The following CTNNA2 variants were observed in gnomAD, a reference collection of about 807,000 sequenced individuals.
CTNNA2 encodes the protein catenin alpha-2.
Under a neutral mutation model 101.0 loss-of-function variants are expected in CTNNA2, and 42 were observed. That is an observed-to-expected ratio of 0.42 (90% CI 0.32 to 0.54). CTNNA2 has a LOEUF of 0.54. Ranked by LOEUF, CTNNA2 falls within the 20% of genes least tolerant of loss-of-function variation. The pLI is 0.14. For missense variants in CTNNA2, 871 were observed against 1,223.1 expected (o/e 0.71, Z 4.29); for synonymous variants, 450 against 456.4 (o/e 0.99, Z 0.18).
intron 4 of CTNNA2, among the ~76,000 whole-genome samples, chr2:79,467,270 G>T (rs571719754): frequency 6.6e-6 from 1 of 152,032 alleles, no homozygotes; most frequent in Non-Finnish European, 1.5e-5. Flanking sequence ...TGGAAGAAAG[G>T]GTATCAGTGA....
chr2:80,313,126 T>G (rs1677760630), intron 7 of CTNNA2, among the ~76,000 whole-genome samples: 1 of 152,214 alleles, frequency 6.6e-6, no homozygotes. Flanking sequence ...TCACACAGAT[T>G]AATGCCTTTA....
intron 2 of CTNNA2, among the ~76,000 whole-genome samples, chr2:79,311,875 C>T (rs1057284348): frequency 1.3e-5 from 2 of 152,094 alleles, no homozygotes; most frequent in Admixed American, 6.5e-5. Flanking sequence ...TTTATTTATG[C>T]GTTTTCTCCT....
intron 7 of CTNNA2, among the ~76,000 whole-genome samples, chr2:80,206,268 C>T (rs1202706319): frequency 6.6e-6 from 1 of 152,182 alleles, no homozygotes; most frequent in Non-Finnish European, 1.5e-5. Flanking sequence ...ATTGTGTTCC[C>T]AACCCTTATG....
At chr2:79,487,797 G>A (rs1671171794) in intron 4 of CTNNA2, among the ~76,000 whole-genome samples, 1 of 152,110 alleles carries the variant, frequency 6.6e-6, no homozygotes, top group African/African-American at 2.4e-5. Flanking sequence ...GAAAGAGAGA[G>A]TAATCAATGG....
At chr2:80,038,240 A>C (rs141102843) in intron 7 of CTNNA2, among the ~76,000 whole-genome samples, 1,963 of 152,248 alleles carry the variant, frequency 0.013, 16 homozygotes, top group Non-Finnish European at 0.021. Context: ...TTGGAAGCAA[A>C]CACTTTGCCT....
At chr2:79,896,844 G>A (rs533578633) in intron 6 of CTNNA2, among the ~76,000 whole-genome samples, 1 of 152,148 alleles carries the variant, frequency 6.6e-6, no homozygotes, top group Non-Finnish European at 1.5e-5. Flanking sequence ...AGAGAGGAAG[G>A]GGCTGAAACA....
chr2:80,584,489 C>G (rs1450450897), intron 14 of CTNNA2, among the ~76,000 whole-genome samples: 2 of 151,778 alleles, frequency 1.3e-5, no homozygotes, highest in Admixed American at 1.3e-4. Flanking sequence ...TGGTGGTGAT[C>G]TGATAAAATA....
At chr2:80,487,725 C>T (rs991473101) in intron 9 of CTNNA2, among the ~76,000 whole-genome samples, 1 of 152,168 alleles carries the variant, frequency 6.6e-6, no homozygotes, top group Non-Finnish European at 1.5e-5. Context: ...ATGTAAACCT[C>T]TTTTGACTAT....
chr2:79,710,707 A>G (rs1573754022), intron 2 of CTNNA2, among the ~76,000 whole-genome samples: 1 of 152,074 alleles, frequency 6.6e-6, no homozygotes, highest in African/African-American at 2.4e-5. Flanking sequence ...GAGAAAGTAG[A>G]TGTGTGTATG....
intron 7 of CTNNA2, among the ~76,000 whole-genome samples, chr2:80,194,837 A>G (rs1294041208): frequency 6.6e-6 from 1 of 150,568 alleles, no homozygotes; most frequent in Non-Finnish European, 1.5e-5. Flanking sequence ...ACATTTATGT[A>G]TGTGTGTGTG....
At chr2:79,242,999 C>CACACACACACACACACACACAT (rs1674650206) in intron 2 of CTNNA2, among the ~76,000 whole-genome samples, 2 of 109,930 alleles carry the variant, frequency 1.8e-5, no homozygotes, top group African/African-American at 6.2e-5. Context: ...TATATACACA[C>CACACACACACACACACACACAT]ACACACACAC....
At chr2:79,609,966 C>T (rs1678157908) in intron 1 of CTNNA2, among the ~76,000 whole-genome samples, 1 of 151,790 alleles carries the variant, frequency 6.6e-6, no homozygotes, top group Non-Finnish European at 1.5e-5. Context: ...TTTTGAAGGA[C>T]ATTGTTATAA....
At chr2:79,487,265 T>A (rs1413933116) in intron 4 of CTNNA2, among the ~76,000 whole-genome samples, 1 of 151,996 alleles carries the variant, frequency 6.6e-6, no homozygotes, top group Non-Finnish European at 1.5e-5. Context: ...CAAAAAACTA[T>A]CTTTAGTTAT....
chr2:80,178,721 C>A (rs544444662), intron 7 of CTNNA2, among the ~76,000 whole-genome samples: 1 of 152,296 alleles, frequency 6.6e-6, no homozygotes, highest in African/African-American at 2.4e-5. Context: ...TCCAAATAGA[C>A]CCACTTAGCA....
chr2:79,394,997 C>T (rs576561417), intron 4 of CTNNA2, among the ~76,000 whole-genome samples: 3 of 152,162 alleles, frequency 2.0e-5, no homozygotes, highest in East Asian at 3.9e-4. Context: ...GGGACAATGG[C>T]AACAATGATG....
At position 80,094,120 on chromosome 2, in the gene CTNNA2, A is replaced by T. The variant is rs143993686; in HGVS notation, c.1056+184323A>T. ...AATGGTATTGCCTAGGTTTTCTTGT[A>T]GGGTTTTTATGGTTTTAAGTCTAAC... On this transcript the variant is annotated intron_variant, in intron 7 of 18. Transcript: ENST00000402739. Among the ~76,000 whole-genome samples the T allele has an allele frequency of 7.0e-4, 106 of 152,260 alleles. No individual in the cohort carries two copies. The East Asian group carries it at 0.02, about 29-fold the overall frequency.
intron 2 of CTNNA2, among the ~76,000 whole-genome samples, chr2:79,729,901 A>G (rs1416975676): frequency 6.6e-6 from 1 of 152,140 alleles, no homozygotes; most frequent in African/African-American, 2.4e-5. Context: ...ACACATCAAA[A>G]TCAGAAAATG....
chr2:79,422,219 A>T (rs1678547492), intron 4 of CTNNA2, among the ~76,000 whole-genome samples: 1 of 151,198 alleles, frequency 6.6e-6, no homozygotes, highest in Non-Finnish European at 1.5e-5. Flanking sequence ...CTATATTTCT[A>T]CCCAATGGTA....
chr2:79,337,722 C>T (rs1381323588), intron 3 of CTNNA2, among the ~76,000 whole-genome samples: 1 of 151,924 alleles, frequency 6.6e-6, no homozygotes, highest in Non-Finnish European at 1.5e-5. Flanking sequence ...ACTGTCTGCT[C>T]TGCACTGAGG....
Sources: allele counts gnomAD v4.1 joint callset (sites outside exome capture counted in the v4.1 genomes callset), GRCh38; gene constraint gnomAD v4.1.1; transcripts MANE v1.5; gene names NCBI Gene and HGNC (gene_info 2026-07-23, HGNC 2026-07-21).